CLIP2: variants seen among roughly 807,000 people sequenced by gnomAD.
The protein encoded by CLIP2 is CAP-Gly domain-containing linker protein 2.
CLIP2 carries 41 observed loss-of-function variants against 111.7 expected under a neutral mutation model. That is an observed-to-expected ratio of 0.37 (90% CI 0.29 to 0.48). CLIP2 has a LOEUF of 0.48. CLIP2 is among the 20% of genes least tolerant of loss of function. The pLI, the probability that CLIP2 is intolerant of heterozygous loss-of-function variation, is 0.99. For missense variants in CLIP2, 1,160 were observed against 1,422.1 expected (o/e 0.82, Z 2.96); for synonymous variants, 660 against 644.2 (o/e 1.02, Z -0.37).
chr7:74,364,343 C>G (rs1790416006), intron 8 of CLIP2, 28 bp downstream of exon 8: 1 of 1,596,186 alleles, frequency 6.3e-7, no homozygotes, highest in Non-Finnish European at 8.6e-7. Flanking sequence ...CTTCCCTGGG[C>G]ACACTTAGCA....
chr7:74,323,584 T>C (rs1456152789), intron 2 of CLIP2, among the ~76,000 whole-genome samples: 1 of 151,980 alleles, frequency 6.6e-6, no homozygotes, highest in Non-Finnish European at 1.5e-5. Context: ...CCCATCACCA[T>C]ACCTGGCTAA....
chr7:74,361,831 T>A (rs1554309846), intron 7 of CLIP2, among the ~76,000 whole-genome samples: 1 of 152,174 alleles, frequency 6.6e-6, no homozygotes, highest in Non-Finnish European at 1.5e-5. Context: ...CCAGATGCAG[T>A]GGTTCATGCC....
At chr7:74,294,109 G>T (rs1564021532) in intron 1 of CLIP2, among the ~76,000 whole-genome samples, 1 of 152,066 alleles carries the variant, frequency 6.6e-6, no homozygotes, top group South Asian at 2.1e-4. Context: ...TAGAGATGGG[G>T]TTTCACCATG....
At chr7:74,328,848 C>T (rs1789194035) in intron 2 of CLIP2, among the ~76,000 whole-genome samples, 1 of 151,790 alleles carries the variant, frequency 6.6e-6, no homozygotes, top group Non-Finnish European at 1.5e-5. Context: ...CCTCCAACTC[C>T]TCTCTCAGCC....
At chr7:74,374,240 G>A (rs1554312403) in intron 9 of CLIP2, among the ~76,000 whole-genome samples, 1 of 152,244 alleles carries the variant, frequency 6.6e-6, no homozygotes, top group African/African-American at 2.4e-5. Context: ...GTGCATGTGT[G>A]CAGGTGTCCA....
intron 8 of CLIP2, among the ~76,000 whole-genome samples, chr7:74,365,202 T>C (rs1388171016): frequency 6.6e-6 from 1 of 152,114 alleles, no homozygotes; most frequent in Non-Finnish European, 1.5e-5. Flanking sequence ...GTTGCTCTCC[T>C]GCAGGGGTTG....
rs869087670 is a variant in CLIP2 at position 74,385,737 on chromosome 7, CT to C, written c.2480-762del. The stretch of plus-strand genomic sequence containing the variant: ...CTAAGACCACATAGTGTCGGGTCTT[CT>C]TTTTTTTTTTTTTTTTTTTTTGAGA... On this transcript the variant is annotated intron_variant, in intron 11 of 16. Transcript: ENST00000223398. 6.7e-3 allele frequency among the ~76,000 whole-genome samples: 783 copies of C among 117,702 alleles called. 2 individuals are homozygous for C. The highest frequency in any genetic ancestry group is 0.013 in the Middle Eastern group (3 of 236). The allele number at this position is 117,702 out of a possible 152,430, so 77.2% of individuals were successfully genotyped here.
At chr7:74,351,053 A>T (rs189089458) in intron 3 of CLIP2, among the ~76,000 whole-genome samples, 54 of 108,688 alleles carry the variant, frequency 5.0e-4, no homozygotes, top group Non-Finnish European at 1.4e-4. Flanking sequence ...GGGAAGGAAG[A>T]GAAGAAAGAA....
chr7:74,308,869 T>A (rs550249773), intron 1 of CLIP2, among the ~76,000 whole-genome samples: 46 of 151,498 alleles, frequency 3.0e-4, no homozygotes, highest in East Asian at 3.9e-4. Context: ...TTTTAAAAAA[T>A]TTTTTTAACT....
At chr7:74,300,988 T>G (rs369446803) in intron 1 of CLIP2, among the ~76,000 whole-genome samples, 3 of 152,228 alleles carry the variant, frequency 2.0e-5, no homozygotes, top group African/African-American at 7.2e-5. Context: ...CTATGTTCAG[T>G]TCTTTGAGAA....
At position 74,404,012 on chromosome 7, in the gene CLIP2, T is replaced by A; in HGVS notation, c.*164T>A. 1.3e-6 allele frequency: 1 copy of A among 755,868 alleles called. No individual in the cohort carries two copies. The highest frequency in any genetic ancestry group is 2.3e-6 in the Non-Finnish European group (1 of 436,230). 46.8% of individuals were successfully genotyped at this position (755,868 alleles called of 1,614,324 possible). ...GCGGACAATCCCCCACCCCGATCCCTCGCCAGACCAGGACGCTTCCTCAAG... is the reference window on the plus strand; with the variant it reads ...GCGGACAATCCCCCACCCCGATCCCACGCCAGACCAGGACGCTTCCTCAAG... On this transcript the variant is annotated 3_prime_UTR_variant, in exon 17 of 17. Coordinates refer to ENST00000223398, the MANE Select transcript of CLIP2 (RefSeq NM_003388.5).
chr7:74,369,077 G>T (rs1444659624), intron 8 of CLIP2, among the ~76,000 whole-genome samples: 4 of 152,198 alleles, frequency 2.6e-5, no homozygotes, highest in Non-Finnish European at 4.4e-5. Context: ...CTGGCTGGAT[G>T]TGGTGGCTCA....
chr7:74,315,574 TTTTTC>T (rs1171076711), intron 1 of CLIP2, among the ~76,000 whole-genome samples: 5 of 151,788 alleles, frequency 3.3e-5, no homozygotes, highest in Non-Finnish European at 7.4e-5. Context: ...TTTTCTTTCT[TTTTTC>T]TTTTTTTTTG....
At chr7:74,371,070 C>A (rs996428503) in intron 8 of CLIP2, among the ~76,000 whole-genome samples, 18 of 152,070 alleles carry the variant, frequency 1.2e-4, no homozygotes, top group African/African-American at 4.3e-4. Context: ...TGGTGAAACC[C>A]CGTCTCTACT....
chr7:74,340,247 T>G (rs1554305126), intron 3 of CLIP2, among the ~76,000 whole-genome samples: 1 of 152,006 alleles, frequency 6.6e-6, no homozygotes, highest in African/African-American at 2.4e-5. Flanking sequence ...AATACAAAAA[T>G]TAGCTGGCTG....
intron 2 of CLIP2, 124 bp downstream of exon 2, chr7:74,317,791 G>A: frequency 8.3e-7 from 1 of 1,206,030 alleles, no homozygotes; most frequent in Non-Finnish European, 1.1e-6. Flanking sequence ...TGAGTGTCAT[G>A]AGCTCCTGTA....
intron 7 of CLIP2, among the ~76,000 whole-genome samples, chr7:74,362,526 TTC>T (rs1177819850): frequency 1.7e-4 from 14 of 81,478 alleles, no homozygotes; most frequent in Admixed American, 3.2e-4. Context: ...TCTTTTTCTT[TTC>T]TTTTTTTTTT....
intron 2 of CLIP2, among the ~76,000 whole-genome samples, chr7:74,336,044 T>C (rs1554732060): frequency 1.3e-5 from 2 of 151,508 alleles, no homozygotes; most frequent in African/African-American, 4.9e-5. Flanking sequence ...GCCTGGCCTC[T>C]CTTCTTTTCT....
chr7:74,362,788 G>A (rs1288948815), intron 7 of CLIP2, among the ~76,000 whole-genome samples: 1 of 152,076 alleles, frequency 6.6e-6, no homozygotes, highest in Non-Finnish European at 1.5e-5. Context: ...ACCCGCCTCG[G>A]CCTCCCAAAG....
Sources: allele counts gnomAD v4.1 joint callset (sites outside exome capture counted in the v4.1 genomes callset), GRCh38; gene constraint gnomAD v4.1.1; transcripts MANE v1.5; gene names NCBI Gene and HGNC (gene_info 2026-07-23, HGNC 2026-07-21).